The following EXT1 variants were observed in gnomAD, a reference collection of about 807,000 sequenced individuals.
The protein encoded by EXT1 is exostosin-1.
Under a neutral mutation model 82.5 loss-of-function variants are expected in EXT1, and 20 were observed. That is an observed-to-expected ratio of 0.24 (90% CI 0.17 to 0.35). The LOEUF (loss-of-function observed/expected upper bound fraction) is 0.35. Among genes scored for constraint, EXT1 ranks in the 10% least tolerant of loss-of-function variants. The probability of loss-of-function intolerance (pLI) is 1.00; values close to 1 mark genes in which losing one functional copy is unlikely to be tolerated. For synonymous variants in EXT1, 348 were observed against 350.8 expected (o/e 0.99, Z 0.09); for missense variants, 757 against 936.5 (o/e 0.81, Z 2.50).
chr8:118,060,380 A>G (rs1426204744), intron 1 of EXT1, among the ~76,000 whole-genome samples: 1 of 152,136 alleles, frequency 6.6e-6, no homozygotes, highest in Admixed American at 6.5e-5. Context: ...ATTTTCCCTA[A>G]AATTCCACAT....
At chr8:118,007,318 T>C (rs894970768) in intron 1 of EXT1, among the ~76,000 whole-genome samples, 1 of 151,764 alleles carries the variant, frequency 6.6e-6, no homozygotes, top group Admixed American at 6.6e-5. Flanking sequence ...AAAAAAAGCA[T>C]TTGATGGCCC....
Position 117,797,160 on chromosome 8 carries a change from C to T in EXT1, c.*2552G>A, listed in dbSNP as rs1311669564. 6.6e-6 allele frequency: 1 copy of T among 152,218 alleles called. No individual in the cohort carries two copies. Among genetic ancestry groups the T allele is most frequent in the African/African-American group, 2.4e-5 (1 of 41,454 alleles). 9.4% of individuals were successfully genotyped at this position (152,218 alleles called of 1,614,324 possible). Reference sequence around the variant, plus strand: ...TGTTGCAATGCAATACAACTCTTTCCTAACTGAATTAAAATTACATATTAC... The same window carrying T: ...TGTTGCAATGCAATACAACTCTTTCTTAACTGAATTAAAATTACATATTAC... On this transcript the variant is annotated 3_prime_UTR_variant, in exon 11 of 11. Coordinates refer to ENST00000378204, the MANE Select transcript of EXT1 (RefSeq NM_000127.3).
intron 1 of EXT1, among the ~76,000 whole-genome samples, chr8:118,079,388 C>T (rs989814573): frequency 6.6e-6 from 1 of 152,196 alleles, no homozygotes; most frequent in Non-Finnish European, 1.5e-5. Flanking sequence ...GCTTAGAGTT[C>T]CTTTTGATGT....
chr8:117,984,447 A>AGC (rs1282384761), intron 1 of EXT1, among the ~76,000 whole-genome samples: 1 of 109,660 alleles, frequency 9.1e-6, no homozygotes, highest in Non-Finnish European at 1.9e-5. Flanking sequence ...AACAAAACAA[A>AGC]ACAAAAAAAA....
At chr8:117,963,104 C>T (rs977892039) in intron 1 of EXT1, among the ~76,000 whole-genome samples, 11 of 152,186 alleles carry the variant, frequency 7.2e-5, no homozygotes, top group African/African-American at 2.7e-4. Context: ...CTTGTTCCTT[C>T]CCTTCCTGTT....
At chr8:117,849,384 G>A (rs1812417834) in intron 1 of EXT1, among the ~76,000 whole-genome samples, 1 of 152,104 alleles carries the variant, frequency 6.6e-6, no homozygotes, top group Non-Finnish European at 1.5e-5. Flanking sequence ...ACTATGCCTG[G>A]CCCACAGTAA....
intron 1 of EXT1, among the ~76,000 whole-genome samples, chr8:118,109,460 T>G (rs1168129626): frequency 6.6e-6 from 1 of 151,624 alleles, no homozygotes; most frequent in African/African-American, 2.4e-5. Flanking sequence ...CATGCATGCA[T>G]GCATGCAAAG....
At chr8:117,824,855 T>A (rs1054402740) in intron 4 of EXT1, among the ~76,000 whole-genome samples, 15 of 151,938 alleles carry the variant, frequency 9.9e-5, no homozygotes, top group Non-Finnish European at 1.0e-4. Flanking sequence ...TTCTTTTTCT[T>A]TTTTTGTTTT....
intron 1 of EXT1, among the ~76,000 whole-genome samples, chr8:118,084,015 T>C (rs1168151787): frequency 6.6e-6 from 1 of 152,116 alleles, no homozygotes; most frequent in Non-Finnish European, 1.5e-5. Flanking sequence ...GGTGATACCA[T>C]CAACCAGTCT....
At chr8:118,092,192 A>G (rs1454372651) in intron 1 of EXT1, among the ~76,000 whole-genome samples, 1 of 152,240 alleles carries the variant, frequency 6.6e-6, no homozygotes, top group Non-Finnish European at 1.5e-5. Context: ...AGGAAATGCT[A>G]TATACTTTGA....
intron 1 of EXT1, among the ~76,000 whole-genome samples, chr8:117,887,198 AT>A (rs1236275452): frequency 3.3e-5 from 5 of 151,864 alleles, no homozygotes; most frequent in Non-Finnish European, 7.4e-5. Flanking sequence ...TAAGATATCT[AT>A]TGGCCAATTA....
At chr8:117,906,249 G>A (rs1021403963) in intron 1 of EXT1, among the ~76,000 whole-genome samples, 1 of 152,112 alleles carries the variant, frequency 6.6e-6, no homozygotes, top group Non-Finnish European at 1.5e-5. Context: ...ATTTAATTTT[G>A]ATTGATTTAA....
Position 118,021,079 on chromosome 8 carries a change from G to A in EXT1, c.962+89006C>T, listed in dbSNP as rs531929348. On this transcript the variant is annotated intron_variant, in intron 1 of 10. Transcript: ENST00000378204. ...AGCTTTCTAATTTCAGTTAGAGTCA[G>A]TGGGAAGCTTACACATTAAAATTTC... is the stretch of plus-strand genomic sequence containing the variant. Among the ~76,000 whole-genome samples the A allele has an allele frequency of 3.3e-5, 5 of 152,248 alleles. No individual in the cohort carries two copies. In the South Asian group the frequency reaches 8.3e-4, roughly 25 times the overall value.
chr8:117,962,872 G>C (rs1814730800), intron 1 of EXT1, among the ~76,000 whole-genome samples: 1 of 152,018 alleles, frequency 6.6e-6, no homozygotes, highest in Non-Finnish European at 1.5e-5. Flanking sequence ...GCTGCAGTGG[G>C]CTGTAATTGC....
rs28357282 is a variant in EXT1 at position 117,912,518 on chromosome 8, T to G, written c.963-75317A>C. Among the ~76,000 whole-genome samples, 937 of 152,246 alleles carry G rather than the reference T, an allele frequency of 6.2e-3. 6 individuals carry two copies. The highest frequency in any genetic ancestry group is 0.018 in the African/African-American group (758 of 41,558). The stretch of plus-strand genomic sequence containing the variant: ...GTCTTCTTTGTTGGAGAGAAAACCA[T>G]GGGCTTACAAGAGATCAAGCTGAGT... On this transcript the variant is annotated intron_variant, in intron 1 of 10. Transcript: ENST00000378204.
intron 1 of EXT1, among the ~76,000 whole-genome samples, chr8:117,952,320 A>C (rs1814506723): frequency 6.6e-6 from 1 of 152,258 alleles, no homozygotes; most frequent in African/African-American, 2.4e-5. Context: ...TTTAAAATAT[A>C]GTTGGTTCAT....
At chr8:117,840,128 C>G (rs1280601949) in intron 1 of EXT1, among the ~76,000 whole-genome samples, 3 of 152,124 alleles carry the variant, frequency 2.0e-5, no homozygotes, top group African/African-American at 4.8e-5. Flanking sequence ...AATAGAGAAA[C>G]AGTCACCCAA....
chr8:118,088,953 C>G (rs1817476410), intron 1 of EXT1, among the ~76,000 whole-genome samples: 1 of 152,200 alleles, frequency 6.6e-6, no homozygotes, highest in African/African-American at 2.4e-5. Flanking sequence ...CACACCCCAC[C>G]TTCCGCTACT....
At position 118,111,344 on chromosome 8, in the gene EXT1, C is replaced by T; in HGVS notation, c.-298G>A. On this transcript the variant is annotated 5_prime_UTR_variant, in exon 1 of 11. Transcript: ENST00000378204. ...CAGCGGACTGTAATTTTCTTGCATG[C>T]AACAAGACGGAGGAAAAGAAAGAGA... 1.7e-6 allele frequency: 1 copy of T among 572,832 alleles called. No individual in the cohort carries two copies. The allele number at this position is 572,832 out of a possible 1,614,324, so 35.5% of individuals were successfully genotyped here.
Sources: allele counts gnomAD v4.1 joint callset (sites outside exome capture counted in the v4.1 genomes callset), GRCh38; gene constraint gnomAD v4.1.1; transcripts MANE v1.5; gene names NCBI Gene and HGNC (gene_info 2026-07-23, HGNC 2026-07-21).